HDHD5: variants seen among roughly 807,000 people sequenced by gnomAD.
The protein encoded by HDHD5 is haloacid dehalogenase-like hydrolase domain-containing 5.
HDHD5 carries 34 observed loss-of-function variants against 35.5 expected under a neutral mutation model. The ratio of observed to expected loss-of-function variants is 0.96; its 90% CI spans 0.73 to 1.28. The LOEUF is 1.28. Ranked by LOEUF, HDHD5 falls within the 50% of genes most tolerant of loss-of-function variation. The probability of loss-of-function intolerance (pLI) is 0.00; values close to 1 mark genes in which losing one functional copy is unlikely to be tolerated. For synonymous variants in HDHD5, 248 were observed against 240.6 expected (o/e 1.03, Z -0.29); for missense variants, 589 against 560.2 (o/e 1.05, Z -0.52).
chr22:17,159,188 G>T lies in HDHD5; in HGVS notation c.64C>A (p.Arg22Ser). ...CGGCCCTGGAGCCCCGCAGCCGCGC[G>T]CGCCGCCCGCCAGCAAAGCCCACGC... is the stretch of plus-strand genomic sequence containing the variant. ...AARGLCWRAA[R>S]AAAGLQGRPA... is the part of the protein sequence containing the mutation. Residue 22 changes from arginine (R) to serine (S), a missense_variant, in exon 1 of 8, where the codon CGC (arginine) becomes AGC (serine). Physicochemically the swap from Arg to Ser is moderately radical, Grantham distance 110 (BLOSUM62 -1). Transcript: ENST00000336737. 3 of 1,212,888 alleles carry T rather than the reference G, an allele frequency of 2.5e-6. No homozygotes were observed. The highest frequency in any genetic ancestry group is 3.3e-5 in the East Asian group (1 of 30,088). 75.1% of individuals were successfully genotyped at this position (1,212,888 alleles called of 1,614,324 possible). A position where few individuals can be genotyped will look rare whatever the true frequency, so the allele number is the denominator to read the frequency against.
At chr22:17,152,747 C>T (rs954837672) in intron 1 of HDHD5, among the ~76,000 whole-genome samples, 2 of 152,030 alleles carry the variant, frequency 1.3e-5, no homozygotes, top group African/African-American at 4.8e-5. Context: ...AAACCAAGAG[C>T]GTGTGGGGTC....
chr22:17,138,791 T>C, intron 6 of HDHD5, 53 bp from the exon 7 acceptor site: 3 of 1,599,148 alleles, frequency 1.9e-6, no homozygotes, highest in East Asian at 2.2e-5. Flanking sequence ...CAGGCTCTTC[T>C]AGAGAACACG....
At chr22:17,152,152 GA>G in intron 1 of HDHD5, among the ~76,000 whole-genome samples, 1 of 152,312 alleles carries the variant, frequency 6.6e-6, no homozygotes, top group Non-Finnish European at 1.5e-5. Flanking sequence ...CAGGGGTGGG[GA>G]AGATTGGCCA....
intron 1 of HDHD5, among the ~76,000 whole-genome samples, chr22:17,157,079 C>CACACAT (rs1343333223): frequency 9.8e-6 from 1 of 102,132 alleles, no homozygotes; most frequent in Non-Finnish European, 2.0e-5. Context: ...CACCGTCTCA[C>CACACAT]ACACATACAC....
rs1444223418 is a variant in HDHD5, at chr22:17,138,375, ACCGG to A, written c.936-22_936-19del. ...GGTTATCACTGGCAGGGGCAGCCAC[ACCGG>A]AAAAGGAAAAAGGAGAAAAAACCCT... On this transcript the variant is annotated intron_variant, in intron 7 of 7. Transcript: ENST00000336737. The A allele has an allele frequency of 1.3e-6, 2 of 1,596,324 alleles. No individual in the cohort carries two copies. Among genetic ancestry groups the A allele is most frequent in the Admixed American group, 1.8e-5 (1 of 56,540 alleles).
At chr22:17,139,968 A>G (rs2061581341) in intron 6 of HDHD5, among the ~76,000 whole-genome samples, 1 of 152,194 alleles carries the variant, frequency 6.6e-6, no homozygotes, top group African/African-American at 2.4e-5. Context: ...GTTCACAGAG[A>G]CATAACCAAC....
Position 17,141,061 on chromosome 22 carries a change from G to A in HDHD5, c.744C>T (p.Pro248=). The A allele has an allele frequency of 1.3e-6, 2 of 1,583,108 alleles. No homozygotes were observed. The highest frequency in any genetic ancestry group is 1.4e-5 in the African/African-American group (1 of 72,720). The change falls in exon 6 of 8, where the codon CCC becomes CCT. Residue 248 remains proline, a splice_region_variant and synonymous_variant. Transcript: ENST00000336737. The stretch of plus-strand genomic sequence containing the variant: ...GGCTGGGAGCTTTGTGTCCTCACCT[G>A]GGCATCTTGGCTTCAGCCATCCACA... The part of the protein sequence containing the change: ...DLLWMAEAKM[P]RFGHGTFLLC...
chr22:17,160,252 CCT>C (rs2061854093), upstream of HDHD5, among the ~76,000 whole-genome samples: 1 of 152,136 alleles, frequency 6.6e-6, no homozygotes, highest in African/African-American at 2.4e-5. Flanking sequence ...GTGGCTCACC[CCT>C]GTAATCCCAG....
At chr22:17,159,438 A>T (rs2061844861), upstream of HDHD5, 2 of 628,208 alleles carry the variant, frequency 3.2e-6, no homozygotes, top group Non-Finnish European at 5.3e-6. Flanking sequence ...GCAAGGAAGA[A>T]GTGCGGGGTC....
chr22:17,160,182 AG>A (rs1371063607), upstream of HDHD5, among the ~76,000 whole-genome samples: 2 of 152,214 alleles, frequency 1.3e-5, no homozygotes, highest in African/African-American at 4.8e-5. Flanking sequence ...ACTAGCAGAG[AG>A]GGAGTCGAGG....
intron 4 of HDHD5, chr22:17,143,560 C>A: frequency 6.1e-6 from 1 of 164,786 alleles, no homozygotes; most frequent in Non-Finnish European, 1.3e-5. Context: ...TCCACTCCAT[C>A]CCCAGGCCAT....
upstream of HDHD5, among the ~76,000 whole-genome samples, chr22:17,163,168 C>CT (rs2061873970): frequency 6.6e-6 from 1 of 152,226 alleles, no homozygotes; most frequent in African/African-American, 2.4e-5. Context: ...CCTCGCCAGT[C>CT]TTCAATCACA....
At chr22:17,140,347 G>A (rs1450115053) in intron 6 of HDHD5, among the ~76,000 whole-genome samples, 1 of 152,212 alleles carries the variant, frequency 6.6e-6, no homozygotes, top group African/African-American at 2.4e-5. Context: ...ACACAGCTGA[G>A]CAGGGAGTAT....
chr22:17,162,396 G>A (rs1347774035), upstream of HDHD5, among the ~76,000 whole-genome samples: 2 of 152,244 alleles, frequency 1.3e-5, no homozygotes, highest in Non-Finnish European at 2.9e-5. Flanking sequence ...GTCATACTTA[G>A]TGTTATTAAT....
chr22:17,148,587 G>C, intron 2 of HDHD5, 27 bp from the exon 3 acceptor site: 1 of 1,527,878 alleles, frequency 6.5e-7, no homozygotes, highest in African/African-American at 1.4e-5. Flanking sequence ...GACAGGGGAG[G>C]GCAGAGGAAG....
At chr22:17,161,768 T>C (rs746289343), upstream of HDHD5, among the ~76,000 whole-genome samples, 4 of 151,404 alleles carry the variant, frequency 2.6e-5, no homozygotes. Context: ...TCCCAGCTAT[T>C]CTAGGAGGCT....
chr22:17,144,835 G>C (rs1266297879), intron 4 of HDHD5, among the ~76,000 whole-genome samples, 189 bp downstream of exon 4: 1 of 152,036 alleles, frequency 6.6e-6, no homozygotes, highest in South Asian at 2.1e-4. Context: ...ACAGGTGTAA[G>C]CCACCGCAGC....
At chr22:17,152,809 G>A (rs2061743132) in intron 1 of HDHD5, among the ~76,000 whole-genome samples, 2 of 152,140 alleles carry the variant, frequency 1.3e-5, no homozygotes, top group Admixed American at 1.3e-4. Flanking sequence ...TGGAGTGGCT[G>A]TAATGATCCC....
At chr22:17,163,187 G>T (rs1282367978), upstream of HDHD5, among the ~76,000 whole-genome samples, 1 of 152,148 alleles carries the variant, frequency 6.6e-6, no homozygotes, top group Non-Finnish European at 1.5e-5. Flanking sequence ...CATGTTACTC[G>T]TGGGGTTTGT....
Sources: gnomAD v4.1 joint callset for allele counts (sites outside exome capture counted in the v4.1 genomes callset) on GRCh38, gnomAD v4.1.1 for gene constraint, MANE v1.5 for transcripts, NCBI Gene and HGNC (gene_info 2026-07-23, HGNC 2026-07-21) for gene names.